Variants in SLCO1A2 observed in about 807,000 individuals in gnomAD.
The protein encoded by SLCO1A2 is OATP-1.
In SLCO1A2, 67 loss-of-function variants were observed where a neutral mutation model predicts 69.0. The observed-to-expected ratio is 0.97, with a 90% CI of 0.80 to 1.19. The LOEUF is 1.19. SLCO1A2 is among the 50% of genes most tolerant of loss of function. The pLI is 0.00. For missense variants in SLCO1A2, 787 were observed against 793.7 expected (o/e 0.99, Z 0.10); for synonymous variants, 260 against 265.9 (o/e 0.98, Z 0.22).
upstream of SLCO1A2, among the ~76,000 whole-genome samples, chr12:21,338,563 C>A (rs2136973466): frequency 6.6e-6 from 1 of 152,028 alleles, no homozygotes; most frequent in East Asian, 1.9e-4. Flanking sequence ...CCCAGTACTA[C>A]ACTGAGGTCT....
chr12:21,332,727 A>T (rs554360548), intron 2 of SLCO1A2, among the ~76,000 whole-genome samples: 95 of 152,194 alleles, frequency 6.2e-4, no homozygotes, highest in Non-Finnish European at 1.2e-3. Flanking sequence ...AATGCAGTGA[A>T]TCTCTCTTAG....
intron 14 of SLCO1A2, among the ~76,000 whole-genome samples, chr12:21,273,214 C>T (rs1943187083): frequency 6.6e-6 from 1 of 152,046 alleles, no homozygotes; most frequent in Admixed American, 6.6e-5. Context: ...AAATGGGCTT[C>T]AAAAAAATCT....
intron 12 of SLCO1A2, among the ~76,000 whole-genome samples, chr12:21,288,451 G>GA (rs1171108836): frequency 6.6e-6 from 1 of 151,844 alleles, no homozygotes; most frequent in African/African-American, 2.4e-5. Flanking sequence ...AGAAAAAAAA[G>GA]AAAAAATGAA....
chr12:21,373,533 A>G (rs986409621), intron 2 of SLCO1A2: 5 of 822,330 alleles, frequency 6.1e-6, no homozygotes, highest in African/African-American at 5.0e-5. Context: ...TTCTGACTAT[A>G]TCATACTTAA....
At chr12:21,307,445 A>G (rs1424752650) in intron 4 of SLCO1A2, among the ~76,000 whole-genome samples, 1 of 152,212 alleles carries the variant, frequency 6.6e-6, no homozygotes, top group Non-Finnish European at 1.5e-5. Flanking sequence ...GTTTCTGAGA[A>G]ACCGTACAAT....
intron 11 of SLCO1A2, 145 bp downstream of exon 11, chr12:21,293,800 C>G: frequency 1.8e-6 from 1 of 544,430 alleles, no homozygotes; most frequent in Non-Finnish European, 3.0e-6. Flanking sequence ...ATCAAGTGAC[C>G]ATCATAGAGT....
At chr12:21,359,573 C>T (rs553589529) in intron 2 of SLCO1A2, among the ~76,000 whole-genome samples, 1 of 152,108 alleles carries the variant, frequency 6.6e-6, no homozygotes, top group East Asian at 1.9e-4. Flanking sequence ...TAGTGTCTCA[C>T]TAATAAATGT....
chr12:21,323,173 A>G (rs1051426013), intron 2 of SLCO1A2, among the ~76,000 whole-genome samples: 22 of 152,354 alleles, frequency 1.4e-4, no homozygotes, highest in African/African-American at 5.3e-4. Context: ...TTTAACTTCT[A>G]TGCATTGAGC....
intron 1 of SLCO1A2, among the ~76,000 whole-genome samples, chr12:21,389,504 A>G (rs1026903813): frequency 6.6e-6 from 1 of 152,128 alleles, no homozygotes; most frequent in Non-Finnish European, 1.5e-5. Flanking sequence ...AAGTTAACAA[A>G]TGATCAATGT....
chr12:21,405,309 C>T lies in SLCO1A2; in HGVS notation c.-312+12573G>A, dbSNP rs146116079. 3.2e-3 allele frequency among the ~76,000 whole-genome samples: 488 copies of T among 152,126 alleles called. 3 individuals are homozygous for T. The highest frequency in any genetic ancestry group is 0.011 in the African/African-American group (450 of 41,506). On this transcript the variant is annotated intron_variant, in intron 1 of 4. Coordinates refer to the SLCO1A2 transcript ENST00000413682. ...TCATGAAATCTTTACCCTTGCCTAT[C>T]TCCTGAATAATATTGCCTAGATTTT...
At position 21,267,165 on chromosome 12, in the gene SLCO1A2, C is replaced by T. The variant is rs899401347; in HGVS notation, c.*2383G>A. 5.9e-5 allele frequency: 9 copies of T among 152,154 alleles called. No individual in the cohort carries two copies. The highest frequency in any genetic ancestry group is 5.3e-4 in the Admixed American group (8 of 15,230). 9.4% of individuals were successfully genotyped at this position (152,154 alleles called of 1,614,324 possible). ...ACTTTCTCTGACCTGCTTTCTCCCA[C>T]CAAGAAGTGTCAAAGGAGAACCCTA... On this transcript the variant is annotated 3_prime_UTR_variant, in exon 15 of 15. Transcript: ENST00000683939.
chr12:21,358,984 G>A (rs1384629375), intron 2 of SLCO1A2, among the ~76,000 whole-genome samples: 2 of 152,130 alleles, frequency 1.3e-5, no homozygotes, highest in African/African-American at 4.8e-5. Flanking sequence ...AAAAGACTGA[G>A]GAGAGATAAT....
chr12:21,403,779 C>T (rs1184556921), intron 1 of SLCO1A2: 2 of 143,232 alleles, frequency 1.4e-5, no homozygotes, highest in African/African-American at 5.2e-5. Context: ...GGCTTTGGCT[C>T]CAATACCCTG....
chr12:21,273,637 T>C (rs991555010), intron 14 of SLCO1A2, among the ~76,000 whole-genome samples: 2 of 152,236 alleles, frequency 1.3e-5, no homozygotes, highest in East Asian at 1.9e-4. Context: ...ATAGTGACCC[T>C]TGGGGTTCCT....
intron 1 of SLCO1A2, among the ~76,000 whole-genome samples, chr12:21,390,605 C>T (rs749390421): frequency 2.0e-5 from 3 of 152,068 alleles, no homozygotes; most frequent in Non-Finnish European, 4.4e-5. Flanking sequence ...CATTTTGGAA[C>T]ACCCAAGCTG....
At chr12:21,329,072 T>C (rs1952439718) in intron 2 of SLCO1A2, among the ~76,000 whole-genome samples, 1 of 152,144 alleles carries the variant, frequency 6.6e-6, no homozygotes, top group African/African-American at 2.4e-5. Flanking sequence ...CTCGTATACA[T>C]TTGGATCACA....
chr12:21,279,969 T>A (rs1374793420), intron 12 of SLCO1A2, among the ~76,000 whole-genome samples: 1 of 111,610 alleles, frequency 9.0e-6, no homozygotes, highest in Non-Finnish European at 2.0e-5. Flanking sequence ...AATGTAGAGT[T>A]TTTTTTTTAG....
chr12:21,349,643 C>T (rs1937772769), intron 2 of SLCO1A2, among the ~76,000 whole-genome samples: 1 of 152,150 alleles, frequency 6.6e-6, no homozygotes, highest in South Asian at 2.1e-4. Context: ...GATCTGACCC[C>T]TAACTACCTC....
At chr12:21,414,540 T>C (rs1007305779) in intron 1 of SLCO1A2, among the ~76,000 whole-genome samples, 46 of 152,238 alleles carry the variant, frequency 3.0e-4, no homozygotes, top group African/African-American at 1.1e-3. Context: ...GATGCTTGAT[T>C]TTTTTTAATT....
Sources: allele counts gnomAD v4.1 joint callset (sites outside exome capture counted in the v4.1 genomes callset), GRCh38; gene constraint gnomAD v4.1.1; transcripts MANE v1.5; gene names NCBI Gene and HGNC (gene_info 2026-07-23, HGNC 2026-07-21).